Variants in DNAH14 observed in about 807,000 individuals in gnomAD.
DNAH14 encodes axonemal beta dynein heavy chain 14.
A neutral mutation model predicts 520.9 loss-of-function variants in DNAH14; 478 were observed. The ratio of observed to expected loss-of-function variants is 0.92; its 90% CI spans 0.85 to 0.99. The LOEUF (loss-of-function observed/expected upper bound fraction) is 0.99. DNAH14 is among the 50% of genes least tolerant of loss of function. The pLI is 0.00. For synonymous variants in DNAH14, 1,581 were observed against 1,757.2 expected, an observed-to-expected ratio of 0.90 and a Z score of 2.51; for missense variants, 4,831 against 5,234.5, an observed-to-expected ratio of 0.92 and a Z score of 2.38.
chr1:225,335,685 GCATATATA>G (rs1280165699), intron 66 of DNAH14, among the ~76,000 whole-genome samples: 2 of 26,604 alleles, frequency 7.5e-5, no homozygotes, highest in African/African-American at 3.4e-4. Flanking sequence ...ATGTATATAC[GCATATATA>G]CATATGTGCA....
chr1:225,346,329 A>G lies in DNAH14; in HGVS notation c.11046A>G (p.Leu3682=). ...EPNLENEKNL[L]DKHIKSAIDM... ...ACCTGGAAAATGAGAAAAATCTCTTAGATAAGCATATTAAAAGTGCAATAG... is the reference window on the plus strand; with the variant it reads ...ACCTGGAAAATGAGAAAAATCTCTTGGATAAGCATATTAAAAGTGCAATAG... Residue 3682 remains leucine, a synonymous_variant, in exon 70 of 86, where the codon TTA becomes TTG. Coordinates refer to ENST00000682510, the MANE Select transcript of DNAH14 (RefSeq NM_001367479.1). 1 of 1,539,554 alleles carries G rather than the reference A, an allele frequency of 6.5e-7. No individual in the cohort carries two copies. Among genetic ancestry groups the G allele is most frequent in the South Asian group, 1.2e-5 (1 of 81,944 alleles).
Position 225,094,676 on chromosome 1 carries a change from A to C in DNAH14, c.3574-2442A>C, listed in dbSNP as rs1315848687. ...CACAGCAAAAAAAAAAAAAAAAAAA[A>C]AACAACAAAACAAACAAACAAAAAA... On this transcript the variant is annotated intron_variant, in intron 21 of 85. Coordinates refer to ENST00000682510, the MANE Select transcript of DNAH14 (RefSeq NM_001367479.1). Among the ~76,000 whole-genome samples the C allele has an allele frequency of 4.5e-3, 418 of 93,870 alleles. 1 individual carries two copies. The highest frequency in any genetic ancestry group is 7.4e-3 in the Admixed American group (68 of 9,128). 61.6% of individuals were successfully genotyped at this position (93,870 alleles called of 152,430 possible). A position where few individuals can be genotyped will look rare whatever the true frequency, so the allele number is the denominator to read the frequency against.
At chr1:225,277,372 A>G (rs1307180855) in intron 53 of DNAH14, 38 bp from the exon 54 acceptor site, 3 of 446,696 alleles carry the variant, frequency 6.7e-6, no homozygotes, top group East Asian at 7.2e-5. Flanking sequence ...ATTTTTCTGT[A>G]CCTATAATCC....
At chr1:225,142,082 T>A (rs1337848854) in intron 28 of DNAH14, among the ~76,000 whole-genome samples, 1 of 152,198 alleles carries the variant, frequency 6.6e-6, no homozygotes, top group East Asian at 1.9e-4. Context: ...CATTAAAGCA[T>A]AAATGTATAC....
chr1:224,991,117 C>A lies in DNAH14; in HGVS notation c.831-11666C>A, dbSNP rs1277978661. Among the ~76,000 whole-genome samples the A allele has an allele frequency of 4.1e-5, 3 of 72,582 alleles. No individual in the cohort carries two copies. In the Admixed American group the frequency reaches 5.9e-4, roughly 14 times the overall value. 47.6% of individuals were successfully genotyped at this position (72,582 alleles called of 152,430 possible). On this transcript the variant is annotated intron_variant, in intron 8 of 85. Coordinates refer to ENST00000682510, the MANE Select transcript of DNAH14 (RefSeq NM_001367479.1). ...TTTTTTTTTTTTTTTTTTTTTGAGA[C>A]GGAGTCTTCCTCTGTTGCCCAGGCT... is the stretch of plus-strand genomic sequence containing the variant.
chr1:225,262,631 T>A (rs1276550637), intron 46 of DNAH14, among the ~76,000 whole-genome samples: 1 of 152,094 alleles, frequency 6.6e-6, no homozygotes, highest in Non-Finnish European at 1.5e-5. Flanking sequence ...TTTTGTCTGA[T>A]TTGTCGAAGA....
chr1:224,956,172 T>C lies in DNAH14; in HGVS notation c.217+1074T>C, dbSNP rs1220387469. 2.6e-5 allele frequency among the ~76,000 whole-genome samples: 4 copies of C among 152,266 alleles called. No individual in the cohort carries two copies. The East Asian group carries it at 5.8e-4, about 22-fold the overall frequency. On this transcript the variant is annotated intron_variant, in intron 3 of 85. Transcript: ENST00000682510. Reference sequence around the variant, plus strand: ...TCTATCTGCTCATTTTCAGTCTCTTTTATGGATTTTTACTTCTCTGTGTTC... The same window carrying C: ...TCTATCTGCTCATTTTCAGTCTCTTCTATGGATTTTTACTTCTCTGTGTTC...
intron 23 of DNAH14, among the ~76,000 whole-genome samples, chr1:225,107,230 C>T (rs1244819590): frequency 1.3e-5 from 2 of 152,176 alleles, no homozygotes; most frequent in South Asian, 2.1e-4. Flanking sequence ...CTGATCATTC[C>T]TCTGGAAGTT....
At chr1:225,009,919 C>T (rs781616677) in intron 10 of DNAH14, among the ~76,000 whole-genome samples, 33 of 152,112 alleles carry the variant, frequency 2.2e-4, no homozygotes, top group Non-Finnish European at 2.8e-4. Flanking sequence ...TGTATAGGAA[C>T]GCTTGTGATT....
chr1:225,265,168 G>A lies in DNAH14; in HGVS notation c.7223-14G>A. ...TCCTAAATTTGTTTTTTCTTTCTAT[G>A]TTTGGCATCACAGATAATCCCACTA... On this transcript the variant is annotated splice_polypyrimidine_tract_variant and intron_variant, in intron 47 of 85. Transcript: ENST00000682510. 7.0e-7 allele frequency: 1 copy of A among 1,432,704 alleles called. No homozygotes were observed. The highest frequency in any genetic ancestry group is 9.1e-7 in the Non-Finnish European group (1 of 1,097,524). The allele number at this position is 1,432,704 out of a possible 1,614,324, so 88.7% of individuals were successfully genotyped here.
At chr1:225,348,442 A>G (rs1294283400) in intron 71 of DNAH14, among the ~76,000 whole-genome samples, 1 of 152,202 alleles carries the variant, frequency 6.6e-6, no homozygotes, top group Non-Finnish European at 1.5e-5. Context: ...CAAACTGTCT[A>G]AAGTCAAAGA....
intron 23 of DNAH14, among the ~76,000 whole-genome samples, chr1:225,102,592 G>A (rs572244325): frequency 1.1e-4 from 17 of 152,320 alleles, no homozygotes; most frequent in African/African-American, 4.1e-4. Flanking sequence ...TCTAACTGGT[G>A]TGAGATGGTA....
intron 49 of DNAH14, among the ~76,000 whole-genome samples, chr1:225,270,499 A>T (rs1475857002): frequency 6.6e-6 from 1 of 152,178 alleles, no homozygotes; most frequent in East Asian, 1.9e-4. Context: ...CCATTTCCTG[A>T]TGACATTTAG....
intron 66 of DNAH14, among the ~76,000 whole-genome samples, chr1:225,335,901 ATATG>A (rs2095019732): frequency 1.6e-5 from 2 of 125,118 alleles, no homozygotes; most frequent in African/African-American, 5.8e-5. Context: ...ATACATACAT[ATATG>A]CATGTATGTA....
At chr1:225,338,740 A>G (rs2095114429) in intron 68 of DNAH14, among the ~76,000 whole-genome samples, 1 of 152,180 alleles carries the variant, frequency 6.6e-6, no homozygotes, top group South Asian at 2.1e-4. Context: ...AAGATGTTTG[A>G]ATTGTTAATG....
intron 1 of DNAH14, among the ~76,000 whole-genome samples, chr1:224,938,004 A>G (rs2059151332): frequency 6.6e-6 from 1 of 152,212 alleles, no homozygotes; most frequent in South Asian, 2.1e-4. Flanking sequence ...TCTATGCAGA[A>G]TAATAAAACT....
At chr1:225,170,142 C>G (rs2082457789) in intron 36 of DNAH14, among the ~76,000 whole-genome samples, 1 of 152,176 alleles carries the variant, frequency 6.6e-6, no homozygotes, top group African/African-American at 2.4e-5. Context: ...AAAGGAACAA[C>G]CAGTACCAGC....
intron 36 of DNAH14, among the ~76,000 whole-genome samples, chr1:225,174,814 G>A (rs145199576): frequency 1.0e-3 from 156 of 152,166 alleles, no homozygotes; most frequent in African/African-American, 3.4e-3. Context: ...TGGGTTTGTC[G>A]TATATTCACT....
Position 225,333,489 on chromosome 1 carries a change from A to C in DNAH14, c.10063A>C (p.Met3355Leu), listed in dbSNP as rs748169953. Reference sequence around the variant, plus strand: ...TTCCAAATTCTCTTTAATTAAAGTTATGGCACAAAAATATGAGGTAATAAC... The same window carrying C: ...TTCCAAATTCTCTTTAATTAAAGTTCTGGCACAAAAATATGAGGTAATAAC... ...LSSKFSLIKV[M>L]AQKYEISRWH... Residue 3355 changes from methionine (M) to leucine (L), a missense_variant, in exon 66 of 86, where the codon ATG (methionine) becomes CTG (leucine). By Grantham distance (15) the Met-to-Leu change is conservative (BLOSUM62 2). Coordinates refer to ENST00000682510, the MANE Select transcript of DNAH14 (RefSeq NM_001367479.1). The C allele has an allele frequency of 6.4e-7, 1 of 1,550,748 alleles. No individual in the cohort carries two copies. The highest frequency in any genetic ancestry group is 1.2e-5 in the South Asian group (1 of 84,028).
Sources: allele counts gnomAD v4.1 joint callset (sites outside exome capture counted in the v4.1 genomes callset), GRCh38; gene constraint gnomAD v4.1.1; transcripts MANE v1.5; gene names NCBI Gene and HGNC (gene_info 2026-07-23, HGNC 2026-07-21).